The following SP1 variants were observed in gnomAD, a reference collection of about 807,000 sequenced individuals.
SP1 encodes the protein transcription factor Sp1.
In SP1, 6 loss-of-function variants were observed where a neutral mutation model predicts 66.3. The ratio of observed to expected loss-of-function variants is 0.09; its 90% CI spans 0.05 to 0.18. The LOEUF (loss-of-function observed/expected upper bound fraction) is 0.18, where lower values mean the gene tolerates loss of function less well. Ranked by LOEUF, SP1 falls within the 10% of genes least tolerant of loss-of-function variation. The pLI, the probability that SP1 is intolerant of heterozygous loss-of-function variation, is 1.00. For missense variants in SP1, 848 were observed against 964.5 expected (o/e 0.88, Z 1.60); for synonymous variants, 417 against 360.8 (o/e 1.16, Z -1.77).
rs761004239 is a variant in SP1 at position 53,406,613 on chromosome 12, T to C, written c.1704T>C (p.His568=). Residue 568 remains histidine (H), a synonymous_variant, in exon 4 of 6, where the codon CAT becomes CAC. Transcript: ENST00000327443. ...PGDHGAQLGL[H]GAGGDGIHDD... ...ATCATGGAGCTCAGCTTGGTCTCCATGGGGCTGGTGGTGATGGAATACATG... is the reference window on the plus strand; with the variant it reads ...ATCATGGAGCTCAGCTTGGTCTCCACGGGGCTGGTGGTGATGGAATACATG... 1.9e-6 allele frequency: 3 copies of C among 1,614,012 alleles called. No homozygotes were observed. The Admixed American group carries it at 5.0e-5, about 27-fold the overall frequency.
rs985759652 is a variant in SP1, at chr12:53,413,109, C to T, written c.*1869C>T. 2.6e-5 allele frequency: 4 copies of T among 152,604 alleles called. No homozygotes were observed. The highest frequency in any genetic ancestry group is 5.9e-5 in the Non-Finnish European group (4 of 68,036). The allele number at this position is 152,604 out of a possible 1,614,324, so 9.5% of individuals were successfully genotyped here. A position where few individuals can be genotyped will look rare whatever the true frequency, so the allele number is the denominator to read the frequency against. ...GTTCATGCCCGTATATGTCTACACA[C>T]AGATGACAAATTATATTTGAAATCG... On this transcript the variant is annotated 3_prime_UTR_variant, in exon 6 of 6. Coordinates refer to ENST00000327443, the MANE Select transcript of SP1 (RefSeq NM_138473.3).
Position 53,411,285 on chromosome 12 carries a change from C to T in SP1, c.*45C>T. 1.3e-6 allele frequency: 2 copies of T among 1,492,398 alleles called. No individual in the cohort carries two copies. The highest frequency in any genetic ancestry group is 2.4e-5 in the South Asian group (2 of 81,644). The allele number at this position is 1,492,398 out of a possible 1,614,324, so 92.4% of individuals were successfully genotyped here. On this transcript the variant is annotated 3_prime_UTR_variant, in exon 6 of 6. Coordinates refer to ENST00000327443, the MANE Select transcript of SP1 (RefSeq NM_138473.3). ...GAGACATATGGGCCATACCCCTTAA[C>T]CCCGGGATGCAAGGTAGCATGGGTC...
chr12:53,405,681 AAGAGAG>A (rs996844251), intron 3 of SP1, among the ~76,000 whole-genome samples: 1 of 147,812 alleles, frequency 6.8e-6, no homozygotes, highest in Non-Finnish European at 1.5e-5. Flanking sequence ...AAGGAAAGAA[AAGAGAG>A]AGAGAGAGAA....
rs2136886373 is a variant in SP1 at position 53,381,792 on chromosome 12, C to T, written c.141C>T (p.Ser47=). ...GAAGTAGCAGCACAGGCAGTAGCAG[C>T]AGCACTGGAGGAGGAGGGCAGGTAA... ...QARSSSTGSS[S]STGGGGQESQ... The change falls in exon 2 of 6, where the codon AGC becomes AGT. Residue 47 remains serine (S), a synonymous_variant. Transcript: ENST00000327443. 6.2e-7 allele frequency: 1 copy of T among 1,613,862 alleles called. No homozygotes were observed. The highest frequency in any genetic ancestry group is 2.2e-5 in the East Asian group (1 of 44,890).
At position 53,406,694 on chromosome 12, in the gene SP1, C is replaced by T. The variant is rs758653625; in HGVS notation, c.1785C>T (p.Ala595=). The T allele has an allele frequency of 2.2e-5, 36 of 1,614,002 alleles. No homozygotes were observed. In the East Asian group the frequency reaches 2.7e-4, roughly 12 times the overall value. Residue 595 remains alanine, a synonymous_variant, in exon 4 of 6, where the codon GCC becomes GCT. Coordinates refer to ENST00000327443, the MANE Select transcript of SP1 (RefSeq NM_138473.3). ...ACAGCCCAGATGCCCAACCCCAAGCCGGTCGGAGGACCCGGCGGGAAGCAT... is the reference window on the plus strand; with the variant it reads ...ACAGCCCAGATGCCCAACCCCAAGCTGGTCGGAGGACCCGGCGGGAAGCAT... ...GENSPDAQPQ[A]GRRTRREACT...
chr12:53,413,205 T>C lies in SP1; in HGVS notation c.*1965T>C, dbSNP rs2136923484. ...AGAAATCTATCTTAAAACCTGGGTA[T>C]GTTCCTAAGGTCATTTCTTTGCTTA... On this transcript the variant is annotated 3_prime_UTR_variant, in exon 6 of 6. Coordinates refer to ENST00000327443, the MANE Select transcript of SP1 (RefSeq NM_138473.3). 1 of 152,668 alleles carries C rather than the reference T, an allele frequency of 6.6e-6. No individual in the cohort carries two copies. Among genetic ancestry groups the C allele is most frequent in the South Asian group, 2.1e-4 (1 of 4,832 alleles). 9.5% of individuals were successfully genotyped at this position (152,668 alleles called of 1,614,324 possible).
chr12:53,381,774 C>T lies in SP1; in HGVS notation c.123C>T (p.Ser41=), dbSNP rs777355404. Reference sequence around the variant, plus strand: ...GTGCCTTTTCACAGGCTCGAAGTAGCAGCACAGGCAGTAGCAGCAGCACTG... The same window carrying T: ...GTGCCTTTTCACAGGCTCGAAGTAGTAGCACAGGCAGTAGCAGCAGCACTG... ...GGGAFSQARS[S]STGSSSSTGG... The change falls in exon 2 of 6, where the codon AGC becomes AGT. Residue 41 remains serine, a synonymous_variant. Transcript: ENST00000327443. 9.3e-6 allele frequency: 15 copies of T among 1,613,882 alleles called. No homozygotes were observed. Among genetic ancestry groups the T allele is most frequent in the Non-Finnish European group, 1.3e-5 (15 of 1,179,976 alleles).
At chr12:53,401,649 G>T (rs905748418) in intron 3 of SP1, among the ~76,000 whole-genome samples, 1 of 151,868 alleles carries the variant, frequency 6.6e-6, no homozygotes, top group Non-Finnish European at 1.5e-5. Context: ...AGAAAATATT[G>T]GTGTATATCT....
chr12:53,388,319 T>C (rs1938273944), intron 3 of SP1, among the ~76,000 whole-genome samples: 1 of 152,202 alleles, frequency 6.6e-6, no homozygotes, highest in Non-Finnish European at 1.5e-5. Context: ...AGAACAGTTA[T>C]GAGGCATTCT....
chr12:53,381,709 G>A lies in SP1; in HGVS notation c.58G>A (p.Gly20Arg). 1 of 1,614,002 alleles carries A rather than the reference G, an allele frequency of 6.2e-7. No homozygotes were observed. The highest frequency in any genetic ancestry group is 1.1e-5 in the South Asian group (1 of 91,052). ...GACAGCTGTGGTGAAAATTGAAAAA[G>A]GAGTTGGTGGCAATAATGGGGGCAA... is the stretch of plus-strand genomic sequence containing the variant. ...EMTAVVKIEK[G>R]VGGNNGGNGN... The change falls in exon 2 of 6, where the codon GGA (glycine) becomes AGA (arginine). Residue 20 changes from glycine (G) to arginine (R), a missense_variant. Physicochemically the swap from Gly to Arg is moderately radical, Grantham distance 125. Transcript: ENST00000327443.
Position 53,411,642 on chromosome 12 carries a change from G to A in SP1, c.*402G>A, listed in dbSNP as rs1225743693. 2.1e-5 allele frequency: 3 copies of A among 142,694 alleles called. No homozygotes were observed. In the Admixed American group the frequency reaches 2.1e-4, roughly 10 times the overall value. The allele number at this position is 142,694 out of a possible 1,614,324, so 8.8% of individuals were successfully genotyped here. A position where few individuals can be genotyped will look rare whatever the true frequency, so the allele number is the denominator to read the frequency against. ...TTGAAATACTTTTTAACAAAAAACA[G>A]ATTCTATATTATTATATATATATAT... On this transcript the variant is annotated 3_prime_UTR_variant, in exon 6 of 6. Transcript: ENST00000327443.
At chr12:53,396,968 T>A (rs980345226) in intron 3 of SP1, among the ~76,000 whole-genome samples, 2 of 151,482 alleles carry the variant, frequency 1.3e-5, no homozygotes, top group East Asian at 3.9e-4. Context: ...TTCTGTAAAT[T>A]AAAAAAAAAT....
At position 53,382,859 on chromosome 12, in the gene SP1, C is replaced by T. The variant is rs757501568; in HGVS notation, c.912C>T (p.Thr304=). 16 of 1,614,050 alleles carry T rather than the reference C, an allele frequency of 9.9e-6. No homozygotes were observed. Among genetic ancestry groups the T allele is most frequent in the Non-Finnish European group, 1.4e-5 (16 of 1,180,028 alleles). The change falls in exon 3 of 6, where the codon ACC becomes ACT. Residue 304 remains threonine, a synonymous_variant. Coordinates refer to ENST00000327443, the MANE Select transcript of SP1 (RefSeq NM_138473.3). ...SGSQPVTSGT[T]ISSASLVSSQ... ...CACAGCCTGTCACCTCAGGGACTAC[C>T]ATCAGTTCTGCCAGCTTGGTATCAT...
At chr12:53,406,820 G>C in intron 4 of SP1, 67 bp downstream of exon 4, 1 of 1,372,242 alleles carries the variant, frequency 7.3e-7, no homozygotes, top group South Asian at 1.3e-5. Context: ...ATAAGAGGAA[G>C]AAGATTAATT....
chr12:53,392,055 T>C (rs1320285599), intron 3 of SP1, among the ~76,000 whole-genome samples: 1 of 152,218 alleles, frequency 6.6e-6, no homozygotes, highest in Non-Finnish European at 1.5e-5. Flanking sequence ...TTTTTTGGAC[T>C]CTGAATGGCT....
chr12:53,383,018 G>C lies in SP1; in HGVS notation c.1071G>C (p.Gln357His), dbSNP rs1199061757. Reference sequence around the variant, plus strand: ...CCAACTCTCAAGGCCAGACACCCCAGAGGGTCAGTGGGCTACAGGGGTCTG... The same window carrying C: ...CCAACTCTCAAGGCCAGACACCCCACAGGGTCAGTGGGCTACAGGGGTCTG... ...SGTNSQGQTP[Q>H]RVSGLQGSDA... The change falls in exon 3 of 6, where the codon CAG (glutamine) becomes CAC (histidine). Residue 357 changes from glutamine (Q) to histidine (H), a missense_variant. Physicochemically the swap from Gln to His is conservative, Grantham distance 24. Coordinates refer to ENST00000327443, the MANE Select transcript of SP1 (RefSeq NM_138473.3). 1 of 1,614,070 alleles carries C rather than the reference G, an allele frequency of 6.2e-7. No individual in the cohort carries two copies. The highest frequency in any genetic ancestry group is 1.3e-5 in the African/African-American group (1 of 74,928).
At position 53,415,833 on chromosome 12, in the gene SP1, T is replaced by C. The variant is rs981157391; in HGVS notation, c.*4593T>C. On this transcript the variant is annotated 3_prime_UTR_variant, in exon 6 of 6. Transcript: ENST00000327443. ...TCCCGGTAACTGCTCTTGAACATTG[T>C]GGACAAGGGCAGGTCTTCATATTTT... 3.9e-5 allele frequency: 6 copies of C among 152,608 alleles called. No homozygotes were observed. The highest frequency in any genetic ancestry group is 1.9e-4 in the East Asian group (1 of 5,192). The allele number at this position is 152,608 out of a possible 1,614,324, so 9.5% of individuals were successfully genotyped here.
chr12:53,409,765 T>C (rs981749699), intron 5 of SP1, among the ~76,000 whole-genome samples: 19 of 152,194 alleles, frequency 1.2e-4, no homozygotes, highest in African/African-American at 4.6e-4. Flanking sequence ...ATCCCAGCAC[T>C]TTTGGAGGCC....
In SP1 at chr12:53,411,401, C is replaced by G. The variant is rs968866370; in HGVS notation, c.*161C>G. 1.7e-6 allele frequency: 1 copy of G among 583,548 alleles called. No individual in the cohort carries two copies. Among genetic ancestry groups the G allele is most frequent in the Non-Finnish European group, 3.0e-6 (1 of 338,034 alleles). The allele number at this position is 583,548 out of a possible 1,614,324, so 36.1% of individuals were successfully genotyped here. A position where few individuals can be genotyped will look rare whatever the true frequency, so the allele number is the denominator to read the frequency against. ...GGATACAAGAGAGGAGATGGGGTCC[C>G]GGCACCCATCTGTATCATCAGTGCC... On this transcript the variant is annotated 3_prime_UTR_variant, in exon 6 of 6. Coordinates refer to ENST00000327443, the MANE Select transcript of SP1 (RefSeq NM_138473.3).
Sources: gnomAD v4.1 joint callset for allele counts (sites outside exome capture counted in the v4.1 genomes callset) on GRCh38, gnomAD v4.1.1 for gene constraint, MANE v1.5 for transcripts, NCBI Gene and HGNC (gene_info 2026-07-23, HGNC 2026-07-21) for gene names.